Variants in THSD4 observed in about 807,000 individuals in gnomAD.
The protein encoded by THSD4 is thrombospondin type 1 domain containing 4.
A neutral mutation model predicts 119.0 loss-of-function variants in THSD4; 69 were observed. The observed-to-expected ratio is 0.58, with a 90% CI of 0.48 to 0.71. The LOEUF (loss-of-function observed/expected upper bound fraction) is 0.71. THSD4 is among the 30% of genes least tolerant of loss of function. THSD4 has a pLI of 0.00. For synonymous variants in THSD4, 524 were observed against 540.4 expected (o/e 0.97, Z 0.42); for missense variants, 1,393 against 1,391.1 (o/e 1.00, Z -0.02).
intron 6 of THSD4, among the ~76,000 whole-genome samples, chr15:71,285,853 C>CAAAAAAA (rs11421766): frequency 1.5e-5 from 1 of 67,390 alleles, no homozygotes; most frequent in Non-Finnish European, 2.6e-5. Flanking sequence ...GACTCCGTCT[C>CAAAAAAA]AAAAAAAAAA....
At position 71,748,580 on chromosome 15, in the gene THSD4, G is replaced by A. The variant is rs767893556; in HGVS notation, c.2401G>A (p.Glu801Lys). ...CTGTGCCAAGAGCTGGTTCCTCACC[G>A]AGTGGAGCGAAAGGGTGAGTGTGAT... Reference protein sequence around the residue: ...GPCAKSWFLTEWSERCSAECG... With the variant: ...GPCAKSWFLTKWSERCSAECG... Residue 801 changes from glutamate (E) to lysine (K), a missense_variant, in exon 14 of 18, where the codon GAG (glutamate) becomes AAG (lysine). By Grantham distance (56) the Glu-to-Lys change is moderately conservative (BLOSUM62 1). Transcript: ENST00000261862. 1.1e-5 allele frequency: 17 copies of A among 1,613,970 alleles called. No individual in the cohort carries two copies. The highest frequency in any genetic ancestry group is 6.6e-5 in the South Asian group (6 of 91,048).
chr15:71,097,731 T>G (rs867203977), intron 1 of THSD4, among the ~76,000 whole-genome samples: 4 of 72,158 alleles, frequency 5.5e-5, no homozygotes, highest in African/African-American at 1.7e-4. Context: ...TATATATATT[T>G]TTTTTTTTAA....
At position 71,182,055 on chromosome 15, in the gene THSD4, T is replaced by C. The variant is rs568502278; in HGVS notation, c.99+27123T>C. On this transcript the variant is annotated intron_variant, in intron 3 of 17. Coordinates refer to ENST00000261862, the MANE Select transcript of THSD4 (RefSeq NM_024817.3). ...AGGATAACTGGGGCTACCAGCCCCA[T>C]TTTTTTATGGCAAAAATGATATACA... 4.5e-4 allele frequency among the ~76,000 whole-genome samples: 69 copies of C among 152,264 alleles called. 2 individuals are homozygous for C. The South Asian group carries it at 0.014, about 32-fold the overall frequency.
chr15:71,256,683 G>A lies in THSD4; in HGVS notation c.983G>A (p.Gly328Asp), dbSNP rs1328789112. 6.2e-7 allele frequency: 1 copy of A among 1,613,884 alleles called. No individual in the cohort carries two copies. Among genetic ancestry groups the A allele is most frequent in the South Asian group, 1.1e-5 (1 of 91,062 alleles). The change falls in exon 6 of 18, where the codon GGC (glycine) becomes GAC (aspartate). Residue 328 changes from glycine to aspartate, a missense_variant. Transcript: ENST00000261862. ...CASYNNKPFM[G>D]RFYEWEPFAE... ...TCCTACAACAACAAGCCATTCATGG[G>A]CCGGTTTTATGAGTGGGAACCATTT...
chr15:71,199,509 TGTGTGG>T (rs2043753026), intron 3 of THSD4, among the ~76,000 whole-genome samples: 1 of 137,044 alleles, frequency 7.3e-6, no homozygotes, highest in African/African-American at 2.9e-5. Context: ...TGTGTGTGTG[TGTGTGG>T]GGTGTGTGTG....
At chr15:71,749,313 G>A (rs939911050) in intron 14 of THSD4, among the ~76,000 whole-genome samples, 1 of 152,264 alleles carries the variant, frequency 6.6e-6, no homozygotes, top group Non-Finnish European at 1.5e-5. Context: ...CCTTGGGACA[G>A]GGAGAAGAAA....
At chr15:71,338,277 G>A (rs953871257) in intron 6 of THSD4, among the ~76,000 whole-genome samples, 12 of 131,578 alleles carry the variant, frequency 9.1e-5, no homozygotes, top group East Asian at 2.2e-4. Context: ...CCCACCCCCC[G>A]CCCCACTCTG....
intron 6 of THSD4, among the ~76,000 whole-genome samples, chr15:71,376,595 C>T (rs1272204791): frequency 6.6e-6 from 1 of 152,146 alleles, no homozygotes; most frequent in African/African-American, 2.4e-5. Context: ...ACAAATCTTT[C>T]CCCCTTGCTC....
chr15:71,496,458 G>A (rs146707023), intron 7 of THSD4, among the ~76,000 whole-genome samples: 176 of 152,200 alleles, frequency 1.2e-3, no homozygotes, highest in Middle Eastern at 3.4e-3. Flanking sequence ...CAGTCTTTTT[G>A]TTCTATCACT....
chr15:71,552,093 GC>G (rs2048940740), intron 7 of THSD4, among the ~76,000 whole-genome samples: 1 of 152,176 alleles, frequency 6.6e-6, no homozygotes, highest in Non-Finnish European at 1.5e-5. Context: ...CATCTATAGA[GC>G]CCCAGAAATA....
chr15:71,217,387 G>A (rs991014177), intron 4 of THSD4, among the ~76,000 whole-genome samples: 1 of 152,066 alleles, frequency 6.6e-6, no homozygotes, highest in African/African-American at 2.4e-5. Flanking sequence ...GGAGGCCAAG[G>A]CAGGCAGATC....
At chr15:71,192,531 T>C (rs1333528353) in intron 3 of THSD4, among the ~76,000 whole-genome samples, 2 of 152,034 alleles carry the variant, frequency 1.3e-5, no homozygotes, top group Non-Finnish European at 2.9e-5. Context: ...CTGCTTGCCT[T>C]GGCCTCCCAA....
At chr15:71,723,202 C>A (rs1245610770) in intron 8 of THSD4, among the ~76,000 whole-genome samples, 4 of 152,074 alleles carry the variant, frequency 2.6e-5, no homozygotes, top group Non-Finnish European at 5.9e-5. Context: ...GGTGTATGGG[C>A]ATTTCAAGTT....
chr15:71,634,982 A>C (rs1196991752), intron 7 of THSD4, among the ~76,000 whole-genome samples: 3 of 152,198 alleles, frequency 2.0e-5, no homozygotes, highest in African/African-American at 7.2e-5. Context: ...CATTGTTTGC[A>C]CACAAAAGCC....
chr15:71,695,188 A>G (rs1305911281), intron 8 of THSD4, among the ~76,000 whole-genome samples: 1 of 152,170 alleles, frequency 6.6e-6, no homozygotes, highest in Non-Finnish European at 1.5e-5. Flanking sequence ...TGACTTTTAG[A>G]GAAATCATTT....
At chr15:71,626,883 T>C (rs768947882) in intron 7 of THSD4, among the ~76,000 whole-genome samples, 1 of 152,232 alleles carries the variant, frequency 6.6e-6, no homozygotes, top group Non-Finnish European at 1.5e-5. Flanking sequence ...CTTTCCTTCT[T>C]TTTCTGTACT....
At chr15:71,498,704 T>A (rs1817473053) in intron 7 of THSD4, among the ~76,000 whole-genome samples, 1 of 152,096 alleles carries the variant, frequency 6.6e-6, no homozygotes, top group African/African-American at 2.4e-5. Flanking sequence ...TTTTTTGTTT[T>A]GTTTTTCCTG....
chr15:71,772,571 A>G (rs762569038), intron 17 of THSD4, among the ~76,000 whole-genome samples: 1 of 152,234 alleles, frequency 6.6e-6, no homozygotes, highest in Non-Finnish European at 1.5e-5. Context: ...CGTATGTGCC[A>G]TATATTGGAA....
chr15:71,323,367 C>G (rs2045298767), intron 6 of THSD4, among the ~76,000 whole-genome samples: 1 of 152,074 alleles, frequency 6.6e-6, no homozygotes. Context: ...AGGAGGAAGT[C>G]TAGGAACTAG....
Sources: allele counts gnomAD v4.1 joint callset (sites outside exome capture counted in the v4.1 genomes callset), GRCh38; gene constraint gnomAD v4.1.1; transcripts MANE v1.5; gene names NCBI Gene and HGNC (gene_info 2026-07-23, HGNC 2026-07-21).